The following C10orf90 variants were observed in gnomAD, a reference collection of about 807,000 sequenced individuals.
C10orf90 encodes the protein chromosome 10 open reading frame 90.
In C10orf90, 56 loss-of-function variants were observed where a neutral mutation model predicts 62.5. That is an observed-to-expected ratio of 0.90 (90% CI 0.72 to 1.12). The LOEUF is 1.12. C10orf90 is among the 50% of genes most tolerant of loss of function. The probability of loss-of-function intolerance (pLI) is 0.00; values close to 1 mark genes in which losing one functional copy is unlikely to be tolerated. For missense variants in C10orf90, 970 were observed against 880.4 expected, an observed-to-expected ratio of 1.10 and a Z score of -1.29; for synonymous variants, 386 against 340.4, an observed-to-expected ratio of 1.13 and a Z score of -1.47.
intron 2 of C10orf90, among the ~76,000 whole-genome samples, chr10:126,618,269 T>TA (rs895573618): frequency 1.3e-5 from 2 of 152,170 alleles, no homozygotes; most frequent in African/African-American, 4.8e-5. Flanking sequence ...TCAGAGATGT[T>TA]AAAATGTGAC....
At chr10:126,497,342 T>C (rs1262297666) in intron 4 of C10orf90, among the ~76,000 whole-genome samples, 1 of 152,138 alleles carries the variant, frequency 6.6e-6, no homozygotes, top group African/African-American at 2.4e-5. Context: ...CTGAAAGCTC[T>C]TCCGGGACAG....
At chr10:126,574,167 A>G (rs1011017230) in intron 2 of C10orf90, among the ~76,000 whole-genome samples, 1 of 152,268 alleles carries the variant, frequency 6.6e-6, no homozygotes, top group Non-Finnish European at 1.5e-5. Flanking sequence ...ATCATTGACT[A>G]CATAAAAAAT....
intron 4 of C10orf90, among the ~76,000 whole-genome samples, chr10:126,467,115 C>A (rs1236947937): frequency 6.6e-6 from 1 of 152,078 alleles, no homozygotes; most frequent in Non-Finnish European, 1.5e-5. Flanking sequence ...GATCAGCTGG[C>A]CAATATTTTA....
intron 4 of C10orf90, among the ~76,000 whole-genome samples, chr10:126,489,665 C>T (rs913530767): frequency 1.3e-5 from 2 of 151,980 alleles, no homozygotes; most frequent in Admixed American, 6.6e-5. Flanking sequence ...AACAGAATAA[C>T]AGTTCCTCAA....
chr10:126,518,117 C>G (rs1483455703), intron 2 of C10orf90, among the ~76,000 whole-genome samples: 1 of 151,986 alleles, frequency 6.6e-6, no homozygotes, highest in South Asian at 2.1e-4. Context: ...CTGCCTCAGG[C>G]TCTGCCTTTT....
At chr10:126,666,053 G>A (rs755918072) in intron 1 of C10orf90, among the ~76,000 whole-genome samples, 1 of 152,226 alleles carries the variant, frequency 6.6e-6, no homozygotes, top group Non-Finnish European at 1.5e-5. Flanking sequence ...GAAGGGTCAT[G>A]TTGTAACACT....
At chr10:126,463,935 T>TCG in intron 5 of C10orf90, among the ~76,000 whole-genome samples, 1 of 54,194 alleles carries the variant, frequency 1.8e-5, no homozygotes, top group African/African-American at 1.2e-4. Flanking sequence ...AGGGATTAAC[T>TCG]TGTTACTTTT....
At chr10:126,524,527 G>T in intron 2 of C10orf90, 2 of 651,010 alleles carry the variant, frequency 3.1e-6, no homozygotes, top group Non-Finnish European at 3.8e-6. Flanking sequence ...GAGAGTCAGG[G>T]CTTAGGCAGC....
intron 2 of C10orf90, among the ~76,000 whole-genome samples, chr10:126,530,748 A>G (rs1864069859): frequency 6.6e-6 from 1 of 152,206 alleles, no homozygotes; most frequent in Non-Finnish European, 1.5e-5. Context: ...TTTCAGGAAG[A>G]AAACATGCCA....
intron 2 of C10orf90, among the ~76,000 whole-genome samples, chr10:126,576,679 ATAT>A (rs1844620698): frequency 1.7e-5 from 1 of 59,830 alleles, no homozygotes; most frequent in Non-Finnish European, 3.4e-5. Flanking sequence ...ATATGTATAC[ATAT>A]ACATATACAT....
rs1269013268 is a variant in C10orf90, at chr10:126,532,842, C to CAAAAAAAAAAAAAAAAAAAAAAAAAA, written c.314-18904_314-18903insTTTTTTTTTTTTTTTTTTTTTTTTTT. On this transcript the variant is annotated intron_variant, in intron 2 of 9. Coordinates refer to ENST00000488181, the MANE Select transcript of C10orf90 (RefSeq NM_001350921.2). The stretch of plus-strand genomic sequence containing the variant: ...TGGGCAACAGAGCGAGACTACGTCT[C>CAAAAAAAAAAAAAAAAAAAAAAAAAA]AAAAAAAAAAAAAAATAGTGAGCAC... 4.1e-3 allele frequency among the ~76,000 whole-genome samples: 49 copies of CAAAAAAAAAAAAAAAAAAAAAAAAAA among 12,040 alleles called. 5 individuals are homozygous for CAAAAAAAAAAAAAAAAAAAAAAAAAA. Among genetic ancestry groups the CAAAAAAAAAAAAAAAAAAAAAAAAAA allele is most frequent in the South Asian group, 0.011 (2 of 180 alleles). 7.9% of individuals were successfully genotyped at this position (12,040 alleles called of 152,430 possible). A position where few individuals can be genotyped will look rare whatever the true frequency, so the allele number is the denominator to read the frequency against.
intron 2 of C10orf90, among the ~76,000 whole-genome samples, chr10:126,635,520 C>A (rs188822864): frequency 1.4e-3 from 211 of 152,264 alleles, no homozygotes; most frequent in Admixed American, 2.9e-3. Flanking sequence ...AAGCAGGGCC[C>A]GTCTCTGGGT....
chr10:126,569,025 G>T (rs569570109), intron 2 of C10orf90, among the ~76,000 whole-genome samples: 7 of 152,290 alleles, frequency 4.6e-5, no homozygotes, highest in African/African-American at 1.7e-4. Context: ...GAAAGCAGGG[G>T]CAGCAGCCCG....
Position 126,655,838 on chromosome 10 carries a change from AC to A in C10orf90, c.241-9202del, listed in dbSNP as rs367746470. 1.5e-3 allele frequency among the ~76,000 whole-genome samples: 219 copies of A among 147,186 alleles called. 3 individuals carry two copies. The highest frequency in any genetic ancestry group is 4.2e-3 in the East Asian group (21 of 5,016). ...AGCAACAGAGACAAAACAAAACAAA[AC>A]AAAAAAAAAAAAGAAGAAGAACAAA... On this transcript the variant is annotated intron_variant, in intron 1 of 9. Coordinates refer to ENST00000488181, the MANE Select transcript of C10orf90 (RefSeq NM_001350921.2).
chr10:126,430,782 T>C (rs1174891144), intron 7 of C10orf90, among the ~76,000 whole-genome samples: 2 of 152,188 alleles, frequency 1.3e-5, no homozygotes, highest in East Asian at 3.9e-4. Context: ...CCCAGTGAAG[T>C]CCTGGGTCTG....
intron 1 of C10orf90, among the ~76,000 whole-genome samples, chr10:126,668,110 T>C (rs1194386922): frequency 2.0e-5 from 3 of 152,192 alleles, no homozygotes; most frequent in Non-Finnish European, 4.4e-5. Flanking sequence ...ACCATGGTTT[T>C]GGAAAAATTT....
chr10:126,655,841 A>C (rs1591179064), intron 1 of C10orf90, among the ~76,000 whole-genome samples: 1 of 148,980 alleles, frequency 6.7e-6, no homozygotes, highest in South Asian at 2.1e-4. Flanking sequence ...AAACAAAACA[A>C]AAAAAAAAAA....
intron 2 of C10orf90, among the ~76,000 whole-genome samples, chr10:126,522,120 T>C (rs1191781594): frequency 6.6e-6 from 1 of 151,960 alleles, no homozygotes; most frequent in African/African-American, 2.4e-5. Flanking sequence ...AGTACAAAAT[T>C]AGCCAGGCAT....
chr10:126,533,341 C>T (rs1048693343), intron 2 of C10orf90, among the ~76,000 whole-genome samples: 1 of 152,154 alleles, frequency 6.6e-6, no homozygotes, highest in Non-Finnish European at 1.5e-5. Context: ...TAAATCTCTT[C>T]CCAGCCATGT....
Sources: gnomAD v4.1 joint callset for allele counts (sites outside exome capture counted in the v4.1 genomes callset) on GRCh38, gnomAD v4.1.1 for gene constraint, MANE v1.5 for transcripts, NCBI Gene and HGNC (gene_info 2026-07-23, HGNC 2026-07-21) for gene names.